Variants in CSMD1 observed in about 807,000 individuals in gnomAD.
CSMD1 encodes CUB and Sushi multiple domains 1.
In CSMD1, 213 loss-of-function variants were observed where a neutral mutation model predicts 417.5. The ratio of observed to expected loss-of-function variants is 0.51; its 90% CI spans 0.46 to 0.57. The LOEUF (loss-of-function observed/expected upper bound fraction) is 0.57, where lower values mean the gene tolerates loss of function less well. Among genes scored for constraint, CSMD1 ranks in the 20% least tolerant of loss-of-function variants. CSMD1 has a pLI of 0.00. For synonymous variants in CSMD1, 2,862 were observed against 1,736.8 expected (o/e 1.65, Z -16.11); for missense variants, 6,923 against 4,529.7 (o/e 1.53, Z -15.17).
Position 3,290,258 on chromosome 8 carries a change from C to G in CSMD1, c.3951-5912G>C, listed in dbSNP as rs539353493. Among the ~76,000 whole-genome samples the G allele has an allele frequency of 4.1e-5, 6 of 147,202 alleles. No homozygotes were observed. In the South Asian group the frequency reaches 1.0e-3, roughly 26 times the overall value. On this transcript the variant is annotated intron_variant, in intron 25 of 69. Transcript: ENST00000635120. ...TGTAGTGTAGTATGAAGTCAGGTAG[C>G]GTGATGCCTCCAGCTTTGTTCTTTT...
intron 4 of CSMD1, among the ~76,000 whole-genome samples, chr8:4,016,103 T>G (rs1183333203): frequency 1.3e-5 from 2 of 152,158 alleles, no homozygotes; most frequent in Admixed American, 1.3e-4. Flanking sequence ...CAGGAAATTT[T>G]GGGATGGGAT....
intron 26 of CSMD1, among the ~76,000 whole-genome samples, chr8:3,254,630 A>G (rs146004346): frequency 6.6e-5 from 10 of 152,142 alleles, no homozygotes; most frequent in African/African-American, 2.2e-4. Context: ...TTGATCTTCC[A>G]TCACTGATAC....
At chr8:3,522,217 T>C (rs1037719691) in intron 10 of CSMD1, among the ~76,000 whole-genome samples, 5 of 152,214 alleles carry the variant, frequency 3.3e-5, no homozygotes, top group East Asian at 1.9e-4. Context: ...TATTATTTTA[T>C]CTTACATAAA....
rs142262176 is a variant in CSMD1 at position 3,729,027 on chromosome 8, G to A, written c.932-20536C>T. ...CCTCTGTGGGGAGCCCCGCCAAACCGACCAGCAAAACTTCTAATCCAAAGT... is the reference window on the plus strand; with the variant it reads ...CCTCTGTGGGGAGCCCCGCCAAACCAACCAGCAAAACTTCTAATCCAAAGT... On this transcript the variant is annotated intron_variant, in intron 6 of 69. Transcript: ENST00000635120. Among the ~76,000 whole-genome samples the A allele has an allele frequency of 1.2e-4, 18 of 152,264 alleles. No homozygotes were observed. The East Asian group carries it at 3.1e-3, about 26-fold the overall frequency.
intron 3 of CSMD1, among the ~76,000 whole-genome samples, chr8:4,048,078 C>T (rs1798241072): frequency 6.6e-6 from 1 of 152,112 alleles, no homozygotes; most frequent in African/African-American, 2.4e-5. Context: ...TTTGTGCATT[C>T]CTAATTGATA....
chr8:4,194,196 CACT>C (rs1799199923), intron 3 of CSMD1, among the ~76,000 whole-genome samples: 1 of 152,118 alleles, frequency 6.6e-6, no homozygotes, highest in African/African-American at 2.4e-5. Flanking sequence ...TCATACCTGA[CACT>C]ACTAAATTTC....
Position 3,775,488 on chromosome 8 carries a change from G to A in CSMD1, c.819-21446C>T, listed in dbSNP as rs1044045932. On this transcript the variant is annotated intron_variant, in intron 5 of 69. Transcript: ENST00000635120. ...ATGATACTCATGAAAAGGACACGGG[G>A]TGAAGTTATGAATAACATTTCCAAT... Among the ~76,000 whole-genome samples, 10 of 152,280 alleles carry A rather than the reference G, an allele frequency of 6.6e-5. No homozygotes were observed. The South Asian group carries it at 1.9e-3, about 28-fold the overall frequency.
At chr8:3,310,601 A>T (rs539128884) in intron 23 of CSMD1, among the ~76,000 whole-genome samples, 14 of 152,362 alleles carry the variant, frequency 9.2e-5, no homozygotes, top group African/African-American at 3.1e-4. Context: ...CATTAGGCAC[A>T]CAAAATCGGG....
Position 4,151,861 on chromosome 8 carries a change from T to G in CSMD1, c.416-119762A>C, listed in dbSNP as rs1387091070. Among the ~76,000 whole-genome samples the G allele has an allele frequency of 2.6e-5, 4 of 152,302 alleles. No homozygotes were observed. In the East Asian group the frequency reaches 7.7e-4, roughly 29 times the overall value. ...GAATCAATTATATTTCCATGTACCTTTTCTATTGCAGGCACACATTAAATA... is the reference window on the plus strand; with the variant it reads ...GAATCAATTATATTTCCATGTACCTGTTCTATTGCAGGCACACATTAAATA... On this transcript the variant is annotated intron_variant, in intron 3 of 69. Transcript: ENST00000635120.
intron 3 of CSMD1, among the ~76,000 whole-genome samples, chr8:4,235,735 G>A (rs962923128): frequency 1.3e-5 from 2 of 152,174 alleles, no homozygotes; most frequent in Admixed American, 1.3e-4. Context: ...TCACATGCAA[G>A]TGTAATGAGG....
intron 41 of CSMD1, among the ~76,000 whole-genome samples, chr8:3,123,910 C>G (rs1293309773): frequency 6.6e-6 from 1 of 152,148 alleles, no homozygotes; most frequent in African/African-American, 2.4e-5. Context: ...TTTCGGGTGA[C>G]TTAAGAAGTA....
intron 12 of CSMD1, 87 bp from the exon 13 acceptor site, chr8:3,409,692 T>G (rs1812562891): frequency 9.6e-7 from 1 of 1,045,258 alleles, no homozygotes; most frequent in African/African-American, 1.6e-5. Context: ...AATACGTGGC[T>G]TCTTTTTGCT....
At chr8:4,989,526 G>A (rs1297222818) in intron 1 of CSMD1, among the ~76,000 whole-genome samples, 1 of 152,112 alleles carries the variant, frequency 6.6e-6, no homozygotes. Context: ...AATTAAAAAA[G>A]AAGACATACT....
chr8:4,696,296 T>C (rs1211935989), intron 1 of CSMD1, among the ~76,000 whole-genome samples: 1 of 152,224 alleles, frequency 6.6e-6, no homozygotes, highest in Non-Finnish European at 1.5e-5. Context: ...TGTCCATTTA[T>C]TGGGATATTT....
chr8:4,195,848 G>A (rs1038732848), intron 3 of CSMD1, among the ~76,000 whole-genome samples: 5 of 152,082 alleles, frequency 3.3e-5, no homozygotes, highest in African/African-American at 7.2e-5. Context: ...TGGAATTAAC[G>A]CCTTGATCAT....
chr8:4,908,267 C>G (rs1053652229), intron 1 of CSMD1, among the ~76,000 whole-genome samples: 2 of 152,134 alleles, frequency 1.3e-5, no homozygotes, highest in Non-Finnish European at 2.9e-5. Flanking sequence ...GTATTCCTTC[C>G]TGAATTCTTT....
intron 11 of CSMD1, among the ~76,000 whole-genome samples, chr8:3,487,733 G>T (rs990582998): frequency 4.6e-5 from 7 of 152,132 alleles, no homozygotes; most frequent in Non-Finnish European, 1.0e-4. Context: ...GCTGAAATTA[G>T]CTGTGAATGT....
intron 5 of CSMD1, among the ~76,000 whole-genome samples, chr8:3,817,891 T>C (rs1000415448): frequency 1.3e-5 from 2 of 152,166 alleles, no homozygotes; most frequent in Non-Finnish European, 2.9e-5. Context: ...ACATTCTTGC[T>C]AAGATGCAGA....
intron 25 of CSMD1, among the ~76,000 whole-genome samples, chr8:3,299,442 C>T (rs1374765944): frequency 2.0e-5 from 3 of 151,952 alleles, no homozygotes; most frequent in South Asian, 2.1e-4. Context: ...ACAAGAGCAA[C>T]ACTTTGTCTC....
Sources: allele counts gnomAD v4.1 joint callset (sites outside exome capture counted in the v4.1 genomes callset), GRCh38; gene constraint gnomAD v4.1.1; transcripts MANE v1.5; gene names NCBI Gene and HGNC (gene_info 2026-07-23, HGNC 2026-07-21).